LYSMD1: variants seen among roughly 807,000 people sequenced by gnomAD.
LYSMD1 encodes LysM domain containing 1.
A neutral mutation model predicts 19.3 loss-of-function variants in LYSMD1; 9 were observed. The observed-to-expected ratio is 0.47, with a 90% CI of 0.28 to 0.81. The LOEUF (loss-of-function observed/expected upper bound fraction) is 0.81, where lower values mean the gene tolerates loss of function less well. Among genes scored for constraint, LYSMD1 ranks in the 40% least tolerant of loss-of-function variants. LYSMD1 has a pLI of 0.11. For missense variants in LYSMD1, 262 were observed against 279.8 expected (o/e 0.94, Z 0.45); for synonymous variants, 111 against 111.7 (o/e 0.99, Z 0.04).
At chr1:151,157,936 G>T (rs2101680709), downstream of LYSMD1, among the ~76,000 whole-genome samples, 2 of 152,314 alleles carry the variant, frequency 1.3e-5, no homozygotes, top group South Asian at 4.1e-4. Context: ...ATTACTTAAT[G>T]TAAGTATCAT....
At position 151,161,983 on chromosome 1, in the gene LYSMD1, C is replaced by T. The variant is rs370583370; in HGVS notation, c.298G>A (p.Glu100Lys). ...PRDLFNGLDS[E>K]EEKDGEEKVH... The stretch of plus-strand genomic sequence containing the variant: ...TTTTCCTCTCCATCTTTCTCTTCCT[C>T]AGAGTCCAAACCATTGAACAGGTCT... Residue 100 changes from glutamate (E) to lysine (K), a missense_variant, in exon 2 of 3, where the codon GAG (glutamate) becomes AAG (lysine). Physicochemically the swap from Glu to Lys is moderately conservative, Grantham distance 56. Transcript: ENST00000368908. 18 of 1,613,994 alleles carry T rather than the reference C, an allele frequency of 1.1e-5. No individual in the cohort carries two copies. The African/African-American group carries it at 1.3e-4, about 12-fold the overall frequency.
At chr1:151,151,209 T>C in the LYSMD1 span, among the ~76,000 whole-genome samples, 1 of 152,062 alleles carries the variant, frequency 6.6e-6, no homozygotes, top group Non-Finnish European at 1.5e-5. Flanking sequence ...TTGTTTTGTT[T>C]TGAGATGAGT....
chr1:151,149,521 G>A, the LYSMD1 span, among the ~76,000 whole-genome samples: 2 of 152,248 alleles, frequency 1.3e-5, no homozygotes, highest in African/African-American at 4.8e-5. Context: ...AGGCTGAGGC[G>A]GGTGGATTGC....
intron 1 of LYSMD1, among the ~76,000 whole-genome samples, chr1:151,164,770 C>T (rs1469245706): frequency 6.6e-6 from 1 of 152,208 alleles, no homozygotes; most frequent in East Asian, 1.9e-4. Flanking sequence ...CAATCCAAGT[C>T]TCAGTTTCTT....
chr1:151,159,133 G>A (rs182411769), downstream of LYSMD1: 27 of 1,614,066 alleles, frequency 1.7e-5, no homozygotes, highest in Admixed American at 3.3e-5. Flanking sequence ...CATCCGCCAC[G>A]TGTTTGATCA....
At chr1:151,158,917 C>T, downstream of LYSMD1, 1 of 1,614,238 alleles carries the variant, frequency 6.2e-7, no homozygotes, top group Non-Finnish European at 8.5e-7. Context: ...GGCTGTGCTG[C>T]ACCGCAATGG....
chr1:151,158,776 G>A (rs765205855), downstream of LYSMD1: 2 of 1,614,046 alleles, frequency 1.2e-6, no homozygotes, highest in Middle Eastern at 1.6e-4. Flanking sequence ...TCGCTCTGTG[G>A]CTCATCTCTT....
chr1:151,152,266 G>A, the LYSMD1 span, among the ~76,000 whole-genome samples: 19 of 151,788 alleles, frequency 1.3e-4, no homozygotes. Context: ...GCGTGGTAGC[G>A]CGCGCCTGTA....
chr1:151,159,174 C>T (rs78085800), downstream of LYSMD1: 2,053 of 1,614,182 alleles, frequency 1.3e-3, 11 homozygotes, highest in East Asian at 9.8e-3. Flanking sequence ...TCACGGCCCT[C>T]TATGGGCCTG....
At chr1:151,150,938 C>G in the LYSMD1 span, among the ~76,000 whole-genome samples, 1 of 151,690 alleles carries the variant, frequency 6.6e-6, no homozygotes, top group African/African-American at 2.4e-5. Flanking sequence ...AGGGTTTCGC[C>G]ATGTTGGCCA....
At chr1:151,162,911 A>T (rs1683503888) in intron 1 of LYSMD1, among the ~76,000 whole-genome samples, 1 of 152,142 alleles carries the variant, frequency 6.6e-6, no homozygotes, top group South Asian at 2.1e-4. Context: ...TCCTCTTGGC[A>T]TCTATCTTTC....
chr1:151,159,173 T>C, downstream of LYSMD1: 1 of 1,614,190 alleles, frequency 6.2e-7, no homozygotes, highest in East Asian at 2.2e-5. Context: ...CTCACGGCCC[T>C]CTATGGGCCT....
At chr1:151,164,028 G>A (rs1683557817) in intron 1 of LYSMD1, among the ~76,000 whole-genome samples, 1 of 151,810 alleles carries the variant, frequency 6.6e-6, no homozygotes, top group Non-Finnish European at 1.5e-5. Context: ...TGAGTAGCTG[G>A]GATTACAGGT....
In LYSMD1 at chr1:151,165,152, C is replaced by T. The variant is rs1292267970; in HGVS notation, c.107G>A (p.Arg36Lys). Residue 36 changes from arginine to lysine, a missense_variant, in exon 1 of 3, where the codon AGG becomes AAG. Coordinates refer to ENST00000368908, the MANE Select transcript of LYSMD1 (RefSeq NM_212551.5). ...SLVQSACSPV[R>K]ERRLEHQLEP... ...CAACTGATGCTCCAGGCGTCTTTCCCTCACTGGGGAGCAGGCCGATTGCAC... is the reference window on the plus strand; with the variant it reads ...CAACTGATGCTCCAGGCGTCTTTCCTTCACTGGGGAGCAGGCCGATTGCAC... The T allele has an allele frequency of 1.2e-6, 2 of 1,614,084 alleles. No individual in the cohort carries two copies. The highest frequency in any genetic ancestry group is 2.7e-5 in the African/African-American group (2 of 74,938).
At chr1:151,151,628 T>A in the LYSMD1 span, among the ~76,000 whole-genome samples, 1 of 151,758 alleles carries the variant, frequency 6.6e-6, no homozygotes, top group Admixed American at 6.6e-5. Context: ...TGTTTACCAC[T>A]TAGTCTAAAG....
chr1:151,165,522 C>T lies in LYSMD1; in HGVS notation c.-264G>A. The T allele has an allele frequency of 6.9e-7, 1 of 1,446,086 alleles. No individual in the cohort carries two copies. The highest frequency in any genetic ancestry group is 9.0e-7 in the Non-Finnish European group (1 of 1,106,022). The allele number at this position is 1,446,086 out of a possible 1,614,324, so 89.6% of individuals were successfully genotyped here. On this transcript the variant is annotated 5_prime_UTR_variant, in exon 1 of 3. Transcript: ENST00000368908. ...GCACCCCTCCGACTTTGGACTCCCCCACAACTCCTCGCTACATTGACCTCT... is the reference window on the plus strand; with the variant it reads ...GCACCCCTCCGACTTTGGACTCCCCTACAACTCCTCGCTACATTGACCTCT...
At chr1:151,158,322 CAA>C (rs587732030), downstream of LYSMD1, among the ~76,000 whole-genome samples, 38 of 83,798 alleles carry the variant, frequency 4.5e-4, no homozygotes, top group African/African-American at 4.1e-4. Context: ...GACTCCGTCT[CAA>C]AAAAAAAAAA....
At chr1:151,157,767 C>T (rs150441460), downstream of LYSMD1, among the ~76,000 whole-genome samples, 7 of 152,298 alleles carry the variant, frequency 4.6e-5, no homozygotes, top group East Asian at 9.7e-4. Context: ...AGATGACTGA[C>T]GTAAAGCACT....
rs753802519 is a variant in LYSMD1 at position 151,162,026 on chromosome 1, G to A, written c.255C>T (p.Pro85=). ...ACAGGTCTCTGGGCTCTGTCAGGAT[G>A]GGGATGTAGAGGGTTTTCTTCAGGA... ...SIFLKKTLYI[P]ILTEPRDLFN... is the part of the protein sequence containing the mutation. Residue 85 remains proline (P), a synonymous_variant, in exon 2 of 3, where the codon CCC becomes CCT. Transcript: ENST00000368908. 1.2e-6 allele frequency: 2 copies of A among 1,613,684 alleles called. No homozygotes were observed. Among genetic ancestry groups the A allele is most frequent in the South Asian group, 2.2e-5 (2 of 91,010 alleles).
Sources: allele counts gnomAD v4.1 joint callset (sites outside exome capture counted in the v4.1 genomes callset), GRCh38; gene constraint gnomAD v4.1.1; transcripts MANE v1.5; gene names NCBI Gene and HGNC (gene_info 2026-07-23, HGNC 2026-07-21).